The following ERICH6B variants were observed in gnomAD, a reference collection of about 807,000 sequenced individuals.
The protein encoded by ERICH6B is glutamate-rich protein 6B.
ERICH6B carries 69 observed loss-of-function variants against 80.0 expected under a neutral mutation model. The ratio of observed to expected loss-of-function variants is 0.86; its 90% confidence interval spans 0.71 to 1.05. The LOEUF is 1.05. ERICH6B is among the 50% of genes least tolerant of loss of function. The probability of loss-of-function intolerance (pLI) is 0.00; values close to 1 mark genes in which losing one functional copy is unlikely to be tolerated. For missense variants in ERICH6B, 754 were observed against 796.1 expected (o/e 0.95, Z 0.64); for synonymous variants, 283 against 291.9 (o/e 0.97, Z 0.31).
intron 5 of ERICH6B, 47 bp downstream of exon 5, chr13:45,587,016 C>G (rs1056086973): frequency 3.9e-6 from 6 of 1,523,436 alleles, no homozygotes; most frequent in Non-Finnish European, 5.3e-6. Flanking sequence ...CTCCCCTGGC[C>G]CACAGAGCCC....
intron 2 of ERICH6B, among the ~76,000 whole-genome samples, chr13:45,606,497 GTGTATGTGTATATATATATATA>G (rs1949860619): frequency 1.2e-4 from 3 of 25,790 alleles, no homozygotes; most frequent in African/African-American, 3.1e-4. Context: ...GATCCCAAAA[GTGTATGTGTATATATATATATA>G]TATATATATA....
intron 2 of ERICH6B, among the ~76,000 whole-genome samples, chr13:45,606,356 T>A (rs1949859226): frequency 6.6e-6 from 1 of 151,314 alleles, no homozygotes; most frequent in Non-Finnish European, 1.5e-5. Context: ...TTGGGGTGTG[T>A]GAAAAATACC....
At chr13:45,562,355 G>A (rs1456994632) in intron 10 of ERICH6B, among the ~76,000 whole-genome samples, 2 of 152,224 alleles carry the variant, frequency 1.3e-5, no homozygotes, top group African/African-American at 4.8e-5. Context: ...GTTTTTTAAA[G>A]CATTCAACTT....
intron 10 of ERICH6B, among the ~76,000 whole-genome samples, chr13:45,561,867 C>G (rs1056733576): frequency 6.6e-6 from 1 of 152,100 alleles, no homozygotes; most frequent in Admixed American, 6.5e-5. Flanking sequence ...AATGAAAATG[C>G]CAACTACAAC....
chr13:45,579,763 C>T (rs1875576589), intron 7 of ERICH6B, among the ~76,000 whole-genome samples, 170 bp downstream of exon 7: 1 of 152,126 alleles, frequency 6.6e-6, no homozygotes, highest in Non-Finnish European at 1.5e-5. Flanking sequence ...CTCGTTTTAG[C>T]CTCCTTCTTG....
At chr13:45,561,286 T>C in intron 11 of ERICH6B, 83 bp downstream of exon 11, 1 of 1,336,436 alleles carries the variant, frequency 7.5e-7, no homozygotes, top group Non-Finnish European at 1.0e-6. Flanking sequence ...TCCTTACAGC[T>C]CTCTGGTGGT....
Position 45,608,323 on chromosome 13 carries a change from G to A in ERICH6B, c.-110-708C>T, listed in dbSNP as rs567675155. On this transcript the variant is annotated intron_variant, in intron 1 of 14. Coordinates refer to ENST00000298738, the MANE Select transcript of ERICH6B (RefSeq NM_182542.3). ...TCCTGCCTTATTGGAGATGGCATTT[G>A]CTTATTGGCCCAGAGAAGGCAGCAG... Among the ~76,000 whole-genome samples, 81 of 152,298 alleles carry A rather than the reference G, an allele frequency of 5.3e-4. 1 individual carries two copies. The highest frequency in any genetic ancestry group is 1.9e-3 in the African/African-American group (79 of 41,562).
chr13:45,609,550 A>C (rs971965776), intron 1 of ERICH6B, among the ~76,000 whole-genome samples: 1 of 152,246 alleles, frequency 6.6e-6, no homozygotes, highest in Admixed American at 6.5e-5. Flanking sequence ...ATTTGAGAGT[A>C]GGAACTTTGC....
Position 45,596,766 on chromosome 13 carries a change from C to G in ERICH6B, c.240G>C (p.Leu80Phe), listed in dbSNP as rs1876406935. The G allele has an allele frequency of 6.4e-7, 1 of 1,551,670 alleles. No individual in the cohort carries two copies. The highest frequency in any genetic ancestry group is 2.4e-5 in the East Asian group (1 of 40,916). Residue 80 changes from leucine (L) to phenylalanine (F), a missense_variant, in exon 3 of 15, where the codon TTG (leucine) becomes TTC (phenylalanine). Transcript: ENST00000298738. ...EEEYLGKEEY[L>F]KEEEYLGKEE... The stretch of plus-strand genomic sequence containing the variant: ...CCTTCCCCAGATACTCTTCCTCCTT[C>G]AAGTATTCTTCTTTCCCCAGATACT...
chr13:45,612,334 T>C (rs947254388), intron 1 of ERICH6B, among the ~76,000 whole-genome samples: 7 of 152,238 alleles, frequency 4.6e-5, no homozygotes, highest in African/African-American at 1.7e-4. Flanking sequence ...GGCATACCTA[T>C]AGATAGTCTT....
chr13:45,560,413 C>A (rs550786279), intron 11 of ERICH6B, among the ~76,000 whole-genome samples: 15 of 152,170 alleles, frequency 9.9e-5, no homozygotes, highest in African/African-American at 3.4e-4. Flanking sequence ...CAACACCCCC[C>A]CACCTGAGAG....
intron 11 of ERICH6B, among the ~76,000 whole-genome samples, chr13:45,559,697 A>G (rs1354790394): frequency 6.6e-6 from 1 of 152,058 alleles, no homozygotes; most frequent in East Asian, 1.9e-4. Flanking sequence ...ATATATTTGC[A>G]TGGTTTTGAG....
rs1188083613 is a variant in ERICH6B, at chr13:45,550,267, T to C, written c.1457A>G (p.Tyr486Cys). 3 of 1,551,644 alleles carry C rather than the reference T, an allele frequency of 1.9e-6. No homozygotes were observed. The highest frequency in any genetic ancestry group is 1.7e-6 in the Non-Finnish European group (2 of 1,146,942). ...TGTCCCATCAGGAAAGAGAATTTGATAGACATTCTTGTTGGGGTAGAGAAT... is the reference window on the plus strand; with the variant it reads ...TGTCCCATCAGGAAAGAGAATTTGACAGACATTCTTGTTGGGGTAGAGAAT... ...KLILYPNKNV[Y>C]QILFPDGTGQ... is the part of the protein sequence containing the mutation. The change falls in exon 12 of 15, where the codon TAT becomes TGT. Residue 486 changes from tyrosine to cysteine, a missense_variant. Physicochemically the swap from Tyr to Cys is radical, Grantham distance 194. Coordinates refer to ENST00000298738, the MANE Select transcript of ERICH6B (RefSeq NM_182542.3).
chr13:45,563,938 C>T (rs1161021459), intron 9 of ERICH6B, 150 bp from the exon 10 acceptor site: 26 of 649,142 alleles, frequency 4.0e-5, no homozygotes, highest in East Asian at 3.6e-4. Context: ...CAGCTTTCTT[C>T]GAGTCAATGC....
intron 13 of ERICH6B, among the ~76,000 whole-genome samples, chr13:45,548,676 C>T (rs750664133): frequency 2.0e-5 from 3 of 152,154 alleles, no homozygotes; most frequent in Non-Finnish European, 4.4e-5. Flanking sequence ...GGGAGCTCTT[C>T]CCTCCCTGGC....
intron 11 of ERICH6B, among the ~76,000 whole-genome samples, chr13:45,551,286 T>C (rs1032930288): frequency 6.6e-6 from 1 of 152,238 alleles, no homozygotes; most frequent in African/African-American, 2.4e-5. Flanking sequence ...TTTTATAGTT[T>C]ATCAATTTCT....
intron 5 of ERICH6B, among the ~76,000 whole-genome samples, chr13:45,586,754 A>G (rs1246173016): frequency 6.6e-6 from 1 of 152,208 alleles, no homozygotes; most frequent in African/African-American, 2.4e-5. Context: ...GTGTTCATGT[A>G]GAACAAGAAT....
intron 11 of ERICH6B, among the ~76,000 whole-genome samples, chr13:45,557,769 T>G (rs1307435595): frequency 6.6e-6 from 1 of 152,238 alleles, no homozygotes; most frequent in African/African-American, 2.4e-5. Flanking sequence ...CTGGGTTCTC[T>G]ATTCTGTTCC....
intron 13 of ERICH6B, among the ~76,000 whole-genome samples, chr13:45,546,518 C>A (rs1199829964): frequency 6.6e-6 from 1 of 152,180 alleles, no homozygotes; most frequent in African/African-American, 2.4e-5. Flanking sequence ...GATATTGTTG[C>A]ATACGTGACA....
Sources: allele counts gnomAD v4.1 joint callset (sites outside exome capture counted in the v4.1 genomes callset), GRCh38; gene constraint gnomAD v4.1.1; transcripts MANE v1.5; gene names NCBI Gene and HGNC (gene_info 2026-07-23, HGNC 2026-07-21).